The following LRRC1 variants were observed in gnomAD, a reference collection of about 807,000 sequenced individuals.
The protein encoded by LRRC1 is leucine-rich repeat-containing protein 1.
LRRC1 carries 28 observed loss-of-function variants against 69.9 expected under a neutral mutation model. The ratio of observed to expected loss-of-function variants is 0.40; its 90% CI spans 0.30 to 0.55. The LOEUF is 0.55. Among genes scored for constraint, LRRC1 ranks in the 20% least tolerant of loss-of-function variants. The pLI is 0.47. For missense variants in LRRC1, 498 were observed against 609.0 expected, an observed-to-expected ratio of 0.82 and a Z score of 1.92; for synonymous variants, 236 against 240.2, an observed-to-expected ratio of 0.98 and a Z score of 0.16.
intron 2 of LRRC1, among the ~76,000 whole-genome samples, chr6:53,862,691 C>T (rs4583974): frequency 0.36 from 54,836 of 152,032 alleles, 10,463 homozygotes; most frequent in East Asian, 0.64. Context: ...ACCCATGCCG[C>T]TCAGCCTGTG....
chr6:53,859,403 T>C (rs1450288130), intron 2 of LRRC1, among the ~76,000 whole-genome samples: 1 of 152,176 alleles, frequency 6.6e-6, no homozygotes, highest in African/African-American at 2.4e-5. Context: ...GTCTGCATTT[T>C]AAGAAATGCA....
intron 2 of LRRC1, among the ~76,000 whole-genome samples, chr6:53,868,615 G>A (rs1048264802): frequency 1.3e-5 from 2 of 152,128 alleles, no homozygotes; most frequent in East Asian, 1.9e-4. Context: ...CTAGTGTGCC[G>A]TTTATTTTAC....
intron 10 of LRRC1, 23 bp downstream of exon 10, chr6:53,904,485 C>T (rs1283721055): frequency 7.1e-7 from 1 of 1,406,448 alleles, no homozygotes; most frequent in Non-Finnish European, 9.9e-7. Flanking sequence ...AGAGAAATCA[C>T]ATGATAATAA....
chr6:53,880,577 A>G (rs2127430582), intron 3 of LRRC1, among the ~76,000 whole-genome samples: 1 of 152,290 alleles, frequency 6.6e-6, no homozygotes, highest in Non-Finnish European at 1.5e-5. Flanking sequence ...TGTCTTCTTG[A>G]GAGTTCCAGC....
chr6:53,796,987 G>T (rs1344800239), intron 1 of LRRC1, among the ~76,000 whole-genome samples: 2 of 152,172 alleles, frequency 1.3e-5, no homozygotes, highest in African/African-American at 4.8e-5. Context: ...TGAAGATGGA[G>T]TGAAAAGTTA....
chr6:53,915,373 C>A (rs1768529903), intron 11 of LRRC1, among the ~76,000 whole-genome samples: 1 of 152,208 alleles, frequency 6.6e-6, no homozygotes, highest in Non-Finnish European at 1.5e-5. Flanking sequence ...TTCAGGACAT[C>A]TTGATAGATT....
At chr6:53,873,383 C>T (rs1167794176) in intron 2 of LRRC1, among the ~76,000 whole-genome samples, 1 of 151,392 alleles carries the variant, frequency 6.6e-6, no homozygotes, top group East Asian at 1.9e-4. Flanking sequence ...GCTCCGCCTC[C>T]TGGGTTCATG....
chr6:53,816,910 A>T (rs1764967434), intron 1 of LRRC1, among the ~76,000 whole-genome samples: 1 of 152,238 alleles, frequency 6.6e-6, no homozygotes, highest in Non-Finnish European at 1.5e-5. Context: ...GACAAAGAAG[A>T]TAGCCAAAAT....
intron 1 of LRRC1, among the ~76,000 whole-genome samples, chr6:53,838,154 A>G (rs1765663350): frequency 6.6e-6 from 1 of 152,222 alleles, no homozygotes; most frequent in African/African-American, 2.4e-5. Context: ...TGAGAATTTA[A>G]TACAGTTTCC....
chr6:53,909,952 A>C (rs773729200), intron 10 of LRRC1, among the ~76,000 whole-genome samples: 1 of 152,220 alleles, frequency 6.6e-6, no homozygotes, highest in Non-Finnish European at 1.5e-5. Flanking sequence ...AACAGACGTG[A>C]CTAACATAGG....
intron 4 of LRRC1, among the ~76,000 whole-genome samples, chr6:53,895,119 G>A (rs1238959433): frequency 3.9e-5 from 6 of 152,008 alleles, no homozygotes; most frequent in South Asian, 4.2e-4. Flanking sequence ...GGGTTTCACC[G>A]TGTTAGCCGG....
chr6:53,856,359 G>A (rs748476436), intron 2 of LRRC1, among the ~76,000 whole-genome samples: 3 of 152,148 alleles, frequency 2.0e-5, no homozygotes, highest in South Asian at 2.1e-4. Context: ...AAGTCCATCC[G>A]TGATGACACA....
intron 1 of LRRC1, among the ~76,000 whole-genome samples, chr6:53,811,077 C>T (rs1180074595): frequency 2.0e-5 from 3 of 152,240 alleles, no homozygotes; most frequent in Admixed American, 6.5e-5. Flanking sequence ...GCTCAAAAAG[C>T]GTATTTTTTT....
chr6:53,876,636 G>A (rs1253616678), intron 2 of LRRC1, among the ~76,000 whole-genome samples: 2 of 152,126 alleles, frequency 1.3e-5, no homozygotes, highest in African/African-American at 2.4e-5. Flanking sequence ...CAAAACAAAG[G>A]AGCTGCAGGC....
At chr6:53,840,872 G>A (rs896658884) in intron 1 of LRRC1, among the ~76,000 whole-genome samples, 10 of 148,972 alleles carry the variant, frequency 6.7e-5, no homozygotes, top group African/African-American at 2.5e-4. Flanking sequence ...TCTGGGGTGG[G>A]GGGGTATGTG....
intron 11 of LRRC1, among the ~76,000 whole-genome samples, chr6:53,915,544 C>T (rs1410058440): frequency 1.3e-5 from 2 of 152,206 alleles, no homozygotes; most frequent in Non-Finnish European, 2.9e-5. Flanking sequence ...AATGAGTCAA[C>T]ATTTGCTGGT....
chr6:53,900,123 C>T (rs1265831006), intron 8 of LRRC1, among the ~76,000 whole-genome samples: 2 of 147,154 alleles, frequency 1.4e-5, no homozygotes, highest in Non-Finnish European at 3.0e-5. Flanking sequence ...CTGCCAGCTC[C>T]GCCTCCTGGG....
intron 10 of LRRC1, chr6:53,905,448 G>A (rs772483267): frequency 2.6e-5 from 4 of 151,766 alleles, no homozygotes; most frequent in Admixed American, 6.6e-5. Flanking sequence ...TTTTTTATCA[G>A]CAATAAAGCC....
chr6:53,830,510 G>A (rs561509102), intron 1 of LRRC1, among the ~76,000 whole-genome samples: 2 of 152,196 alleles, frequency 1.3e-5, no homozygotes, highest in Non-Finnish European at 2.9e-5. Flanking sequence ...GAGCCAAAAT[G>A]TGGTGATCAG....
Sources: gnomAD v4.1 joint callset for allele counts (sites outside exome capture counted in the v4.1 genomes callset) on GRCh38, gnomAD v4.1.1 for gene constraint, MANE v1.5 for transcripts, NCBI Gene and HGNC (gene_info 2026-07-23, HGNC 2026-07-21) for gene names.